Variants in ATP10B observed in about 807,000 individuals in gnomAD.
ATP10B encodes the protein phospholipid-transporting ATPase VB.
ATP10B carries 122 observed loss-of-function variants against 141.2 expected under a neutral mutation model. The observed-to-expected ratio is 0.86, with a 90% confidence interval of 0.75 to 1.00. ATP10B has a LOEUF of 1.00. Among genes scored for constraint, ATP10B ranks in the 50% least tolerant of loss-of-function variants. The pLI is 0.00. For synonymous variants in ATP10B, 685 were observed against 692.0 expected (o/e 0.99, Z 0.16); for missense variants, 1,876 against 1,825.3 (o/e 1.03, Z -0.51).
chr5:160,728,425 A>G (rs189372304), intron 2 of ATP10B, among the ~76,000 whole-genome samples: 477 of 152,236 alleles, frequency 3.1e-3, no homozygotes, highest in Non-Finnish European at 3.5e-3. Context: ...CCCCAATACA[A>G]ACTCTGGATA....
chr5:160,589,809 C>T (rs764979632), intron 23 of ATP10B, 113 bp from the exon 24 acceptor site: 26 of 749,836 alleles, frequency 3.5e-5, no homozygotes, highest in Admixed American at 2.3e-4. Context: ...GAAGGAGGTA[C>T]CCAGCTGCCA....
intron 2 of ATP10B, among the ~76,000 whole-genome samples, chr5:160,764,945 C>G (rs1232471398): frequency 6.6e-6 from 1 of 152,070 alleles, no homozygotes; most frequent in Non-Finnish European, 1.5e-5. Flanking sequence ...AAATCAAGAA[C>G]TCAACCCCTT....
the ATP10B span, among the ~76,000 whole-genome samples, chr5:160,878,376 A>G: frequency 1.4e-5 from 2 of 148,112 alleles, no homozygotes; most frequent in African/African-American, 4.9e-5. Flanking sequence ...TTATACAAAA[A>G]TCAATTCAAG....
intron 1 of ATP10B, among the ~76,000 whole-genome samples, chr5:160,846,320 A>G (rs192109780): frequency 9.2e-5 from 14 of 152,334 alleles, no homozygotes; most frequent in Non-Finnish European, 1.3e-4. Context: ...TGAGTTGTAT[A>G]TGACAGGAAC....
the ATP10B span, among the ~76,000 whole-genome samples, chr5:160,874,971 T>C: frequency 1.6e-5 from 2 of 125,744 alleles, no homozygotes; most frequent in African/African-American, 5.8e-5. Flanking sequence ...CAGGATATTA[T>C]CCAGGAGAAC....
chr5:160,569,300 G>C (rs921042467), intron 25 of ATP10B, among the ~76,000 whole-genome samples, 196 bp downstream of exon 25: 1 of 152,152 alleles, frequency 6.6e-6, no homozygotes, highest in Non-Finnish European at 1.5e-5. Flanking sequence ...CTACTTTGTG[G>C]CTAACCTGGG....
At chr5:160,744,846 C>G (rs768648140) in intron 2 of ATP10B, among the ~76,000 whole-genome samples, 1 of 152,212 alleles carries the variant, frequency 6.6e-6, no homozygotes, top group Non-Finnish European at 1.5e-5. Flanking sequence ...AAATTACAGG[C>G]TGTGAGACAC....
intron 7 of ATP10B, among the ~76,000 whole-genome samples, chr5:160,666,598 A>G (rs1009836568): frequency 6.6e-6 from 1 of 152,166 alleles, no homozygotes; most frequent in Admixed American, 6.5e-5. Flanking sequence ...GCCTTGCAAC[A>G]TTTATTTTTC....
At chr5:160,905,319 G>A in the ATP10B span, among the ~76,000 whole-genome samples, 2 of 152,222 alleles carry the variant, frequency 1.3e-5, no homozygotes, top group Non-Finnish European at 2.9e-5. Context: ...AGCCCAGCTT[G>A]GCATTTAAGA....
chr5:160,688,102 CA>C lies in ATP10B; in HGVS notation c.-20-9del. 1 of 1,602,910 alleles carries C rather than the reference CA, an allele frequency of 6.2e-7. No homozygotes were observed. Among genetic ancestry groups the C allele is most frequent in the South Asian group, 1.1e-5 (1 of 89,216 alleles). On this transcript the variant is annotated splice_polypyrimidine_tract_variant and intron_variant, in intron 4 of 25. Transcript: ENST00000327245. ...CCAGCAGCAGGCGAAGATCTGAAAA[CA>C]GACACAGGAGGAGCTATGTTTAGGA...
the ATP10B span, among the ~76,000 whole-genome samples, chr5:160,919,247 C>CAAAAAAAAAAAAAAA: frequency 1.4e-5 from 1 of 72,500 alleles, no homozygotes; most frequent in African/African-American, 6.3e-5. Flanking sequence ...AAAAAAAAAG[C>CAAAAAAAAAAAAAAA]AGGGAGTGGA....
chr5:160,652,191 C>A (rs995217033), intron 7 of ATP10B, among the ~76,000 whole-genome samples: 7 of 152,022 alleles, frequency 4.6e-5, no homozygotes, highest in African/African-American at 1.7e-4. Flanking sequence ...ACTTTTGTCC[C>A]CATCTTCCTC....
At chr5:160,677,409 C>A (rs1270489309) in intron 6 of ATP10B, among the ~76,000 whole-genome samples, 4 of 152,192 alleles carry the variant, frequency 2.6e-5, no homozygotes, top group Admixed American at 2.6e-4. Flanking sequence ...GTCTGCTGGT[C>A]TGTAAGTCCA....
chr5:160,874,134 T>TG, the ATP10B span, among the ~76,000 whole-genome samples: 1 of 152,128 alleles, frequency 6.6e-6, no homozygotes, highest in Non-Finnish European at 1.5e-5. Context: ...TAAATGTCCC[T>TG]GTCTGACAGC....
At chr5:160,662,667 AT>A (rs1436514349) in intron 7 of ATP10B, among the ~76,000 whole-genome samples, 13 of 152,222 alleles carry the variant, frequency 8.5e-5, no homozygotes, top group Non-Finnish European at 8.8e-5. Flanking sequence ...AAAGACTTAA[AT>A]GTTAGATCTA....
chr5:160,842,738 TAAG>T (rs1479490544), intron 1 of ATP10B, among the ~76,000 whole-genome samples: 1 of 151,988 alleles, frequency 6.6e-6, no homozygotes, highest in African/African-American at 2.4e-5. Flanking sequence ...CTCTTTTTTA[TAAG>T]AAGAAACAGA....
intron 1 of ATP10B, among the ~76,000 whole-genome samples, chr5:160,820,346 C>G (rs569336554): frequency 6.6e-6 from 1 of 151,886 alleles, no homozygotes; most frequent in South Asian, 2.1e-4. Flanking sequence ...AAAACCTGAA[C>G]GGACTAGTAA....
intron 2 of ATP10B, among the ~76,000 whole-genome samples, chr5:160,720,538 G>C (rs1259986640): frequency 1.3e-5 from 2 of 152,218 alleles, no homozygotes; most frequent in African/African-American, 4.8e-5. Flanking sequence ...ATGCCTGAAA[G>C]CTTCTTCAAT....
chr5:160,772,493 A>AG, intron 2 of ATP10B, among the ~76,000 whole-genome samples: 1 of 152,162 alleles, frequency 6.6e-6, no homozygotes, highest in East Asian at 1.9e-4. Context: ...ATCAGGTACC[A>AG]GTTCTGTGGA....
Sources: allele counts gnomAD v4.1 joint callset (sites outside exome capture counted in the v4.1 genomes callset), GRCh38; gene constraint gnomAD v4.1.1; transcripts MANE v1.5; gene names NCBI Gene and HGNC (gene_info 2026-07-23, HGNC 2026-07-21).